Variants in RPH3A observed in about 807,000 individuals in gnomAD.
The protein encoded by RPH3A is rabphilin 3A, also known as rabphilin-3A.
Under a neutral mutation model 102.2 loss-of-function variants are expected in RPH3A, and 48 were observed. The observed-to-expected ratio is 0.47, with a 90% confidence interval of 0.37 to 0.60. The LOEUF (loss-of-function observed/expected upper bound fraction) is 0.60, where lower values mean the gene tolerates loss of function less well. Among genes scored for constraint, RPH3A ranks in the 20% least tolerant of loss-of-function variants. The probability of loss-of-function intolerance (pLI) is 0.00; values close to 1 mark genes in which losing one functional copy is unlikely to be tolerated. For synonymous variants in RPH3A, 310 were observed against 324.3 expected (o/e 0.96, Z 0.47); for missense variants, 781 against 910.1 (o/e 0.86, Z 1.83).
At chr12:112,581,994 G>GT (rs1229105020) in intron 1 of RPH3A, among the ~76,000 whole-genome samples, 1 of 147,622 alleles carries the variant, frequency 6.8e-6, no homozygotes. Flanking sequence ...TTAATATGTA[G>GT]TTTTTTCTTG....
chr12:112,706,372 A>G (rs563615158), intron 1 of RPH3A, among the ~76,000 whole-genome samples: 1 of 152,228 alleles, frequency 6.6e-6, no homozygotes, highest in African/African-American at 2.4e-5. Flanking sequence ...CCTCAGTGCA[A>G]TGAAGCCCCA....
intron 1 of RPH3A, among the ~76,000 whole-genome samples, chr12:112,773,498 G>A (rs2040942598): frequency 6.6e-6 from 1 of 151,848 alleles, no homozygotes; most frequent in Non-Finnish European, 1.5e-5. Flanking sequence ...ATAAGTATAG[G>A]CTGATGAAAC....
At chr12:112,868,874 G>T in intron 8 of RPH3A, 1 of 315,802 alleles carries the variant, frequency 3.2e-6, no homozygotes, top group Non-Finnish European at 5.7e-6. Flanking sequence ...ATTAAAATTA[G>T]GAACTGAGAG....
chr12:112,720,453 A>G (rs569331175), intron 1 of RPH3A, among the ~76,000 whole-genome samples: 2 of 152,354 alleles, frequency 1.3e-5, no homozygotes, highest in East Asian at 1.9e-4. Flanking sequence ...TTGCTAAATT[A>G]AAAGAACAAG....
intron 1 of RPH3A, among the ~76,000 whole-genome samples, chr12:112,748,330 C>T (rs1051669438): frequency 6.6e-6 from 1 of 152,050 alleles, no homozygotes; most frequent in Non-Finnish European, 1.5e-5. Context: ...ACCACCACCC[C>T]ACTCCCCCAC....
intron 1 of RPH3A, among the ~76,000 whole-genome samples, chr12:112,632,537 G>T (rs59093360): frequency 6.6e-6 from 1 of 152,260 alleles, no homozygotes; most frequent in East Asian, 1.9e-4. Context: ...AACCACAAGG[G>T]TTCCTCCAAG....
chr12:112,880,278 A>G (rs1344967749), intron 14 of RPH3A, among the ~76,000 whole-genome samples: 1 of 152,208 alleles, frequency 6.6e-6, no homozygotes, highest in African/African-American at 2.4e-5. Context: ...GGCACCAAGT[A>G]TGTATCAGGA....
chr12:112,807,729 C>G (rs1461368712), intron 2 of RPH3A, among the ~76,000 whole-genome samples: 2 of 151,942 alleles, frequency 1.3e-5, no homozygotes, highest in East Asian at 3.9e-4. Context: ...GCTTGATGTT[C>G]TGGAAAAGGT....
upstream of RPH3A, among the ~76,000 whole-genome samples, chr12:112,788,569 A>G (rs549300712): frequency 3.3e-4 from 50 of 152,304 alleles, 1 homozygote; most frequent in South Asian, 0.01. Flanking sequence ...CAGTAATAGC[A>G]CCCACTTCAG....
At chr12:112,665,764 C>T (rs2040079504) in intron 1 of RPH3A, among the ~76,000 whole-genome samples, 1 of 152,166 alleles carries the variant, frequency 6.6e-6, no homozygotes, top group East Asian at 1.9e-4. Flanking sequence ...TGGTCTATCT[C>T]CTTCATTGCA....
intron 1 of RPH3A, among the ~76,000 whole-genome samples, chr12:112,593,600 C>T (rs1566220837): frequency 6.6e-6 from 1 of 152,244 alleles, no homozygotes; most frequent in Non-Finnish European, 1.5e-5. Context: ...TGTTATTAGA[C>T]TCTACATATA....
At chr12:112,609,495 C>T (rs2039621934) in intron 1 of RPH3A, among the ~76,000 whole-genome samples, 2 of 152,216 alleles carry the variant, frequency 1.3e-5, no homozygotes, top group South Asian at 4.1e-4. Context: ...TCTCCTTCCA[C>T]CTCCTGCCTA....
At chr12:112,869,819 T>G (rs2042675297) in intron 9 of RPH3A, 22 bp downstream of exon 9, 1 of 1,614,024 alleles carries the variant, frequency 6.2e-7, no homozygotes, top group Non-Finnish European at 8.5e-7. Context: ...TGACTCTGTT[T>G]TGTCATTTGA....
chr12:112,633,178 C>A (rs2039819703), intron 1 of RPH3A, among the ~76,000 whole-genome samples: 1 of 152,062 alleles, frequency 6.6e-6, no homozygotes, highest in Admixed American at 6.6e-5. Flanking sequence ...CTAGCCTGGG[C>A]AACAGAGCAA....
At chr12:112,740,306 C>G (rs1017204217) in intron 1 of RPH3A, among the ~76,000 whole-genome samples, 1 of 152,126 alleles carries the variant, frequency 6.6e-6, no homozygotes, top group East Asian at 1.9e-4. Context: ...ATGCATTTCC[C>G]GCAACAATTT....
intron 5 of RPH3A, among the ~76,000 whole-genome samples, chr12:112,860,489 C>T (rs1441393745): frequency 1.3e-5 from 2 of 152,154 alleles, no homozygotes; most frequent in Non-Finnish European, 2.9e-5. Context: ...AAGGAGCAGG[C>T]AATAGGTGGG....
intron 1 of RPH3A, among the ~76,000 whole-genome samples, chr12:112,576,592 G>T (rs2039360779): frequency 6.6e-6 from 1 of 152,198 alleles, no homozygotes; most frequent in African/African-American, 2.4e-5. Flanking sequence ...CTGACCTCGG[G>T]TTATCCGCCT....
chr12:112,847,965 C>T (rs2042258629), intron 5 of RPH3A, 123 bp downstream of exon 5: 12 of 1,061,628 alleles, frequency 1.1e-5, no homozygotes, highest in Admixed American at 2.6e-5. Flanking sequence ...CCATTTGTGA[C>T]TTACGGGGCC....
Position 112,665,459 on chromosome 12 carries a change from C to T in RPH3A, c.-140+90140C>T, listed in dbSNP as rs567537357. Among the ~76,000 whole-genome samples, 19 of 152,242 alleles carry T rather than the reference C, an allele frequency of 1.2e-4. No individual in the cohort carries two copies. In the East Asian group the frequency reaches 2.9e-3, roughly 23 times the overall value. On this transcript the variant is annotated intron_variant, in intron 1 of 21. Coordinates refer to the RPH3A transcript ENST00000543106. ...CCTGGCTGTTCTATTTACTAGAAATCGACTAATCACTTAACCTTCTTATGC... is the reference window on the plus strand; with the variant it reads ...CCTGGCTGTTCTATTTACTAGAAATTGACTAATCACTTAACCTTCTTATGC...
Sources: gnomAD v4.1 joint callset for allele counts (sites outside exome capture counted in the v4.1 genomes callset) on GRCh38, gnomAD v4.1.1 for gene constraint, MANE v1.5 for transcripts, NCBI Gene and HGNC (gene_info 2026-07-23, HGNC 2026-07-21) for gene names.